The following PTPN9 variants were observed in gnomAD, a reference collection of about 807,000 sequenced individuals.
PTPN9 encodes protein tyrosine phosphatase non-receptor type 9.
PTPN9 carries 26 observed loss-of-function variants against 69.8 expected under a neutral mutation model. The ratio of observed to expected loss-of-function variants is 0.37; its 90% confidence interval spans 0.27 to 0.52. The LOEUF (loss-of-function observed/expected upper bound fraction) is 0.52. Among genes scored for constraint, PTPN9 ranks in the 20% least tolerant of loss-of-function variants. The probability of loss-of-function intolerance (pLI) is 0.91; values close to 1 mark genes in which losing one functional copy is unlikely to be tolerated. For synonymous variants in PTPN9, 274 were observed against 272.5 expected, an observed-to-expected ratio of 1.01 and a Z score of -0.05; for missense variants, 549 against 740.3, an observed-to-expected ratio of 0.74 and a Z score of 3.00.
At chr15:75,555,562 T>C (rs1359438230) in intron 1 of PTPN9, among the ~76,000 whole-genome samples, 1 of 152,040 alleles carries the variant, frequency 6.6e-6, no homozygotes, top group Admixed American at 6.6e-5. Flanking sequence ...TGGAGTGCAG[T>C]GGTGTGATCT....
intron 7 of PTPN9, among the ~76,000 whole-genome samples, chr15:75,495,157 C>T (rs937998255): frequency 2.6e-5 from 4 of 152,082 alleles, no homozygotes; most frequent in African/African-American, 9.7e-5. Context: ...GAGTTCTATA[C>T]TCCAGCAAAA....
At chr15:75,480,473 C>T (rs1489456404) in intron 8 of PTPN9, among the ~76,000 whole-genome samples, 1 of 151,586 alleles carries the variant, frequency 6.6e-6, no homozygotes, top group Non-Finnish European at 1.5e-5. Flanking sequence ...CCGTGAGGAG[C>T]GCAGAGGAGG....
At chr15:75,527,060 G>A (rs1297085519) in intron 2 of PTPN9, 58 bp downstream of exon 2, 2 of 1,595,272 alleles carry the variant, frequency 1.3e-6, no homozygotes, top group Non-Finnish European at 1.7e-6. Flanking sequence ...GCATGACAGG[G>A]ACAACAGCAA....
chr15:75,522,400 GT>G (rs374236060), intron 4 of PTPN9, among the ~76,000 whole-genome samples: 1 of 151,142 alleles, frequency 6.6e-6, no homozygotes, highest in South Asian at 2.1e-4. Flanking sequence ...TTTTTGTGGG[GT>G]TTTTTTTGAG....
rs932178076 is a variant in PTPN9, at chr15:75,538,686, C to CA, written c.64-11426dup. Among the ~76,000 whole-genome samples the CA allele has an allele frequency of 7.9e-4, 108 of 135,854 alleles. 3 individuals are homozygous for CA. The highest frequency in any genetic ancestry group is 4.2e-3 in the Admixed American group (56 of 13,478). The allele number at this position is 135,854 out of a possible 152,430, so 89.1% of individuals were successfully genotyped here. On this transcript the variant is annotated intron_variant, in intron 1 of 12. Transcript: ENST00000618819. The stretch of plus-strand genomic sequence containing the variant: ...TGGGTGACACAGCCAGACCCTGTCT[C>CA]AAAAAAAAAAAGGAATGTTAAAGAA...
intron 1 of PTPN9, among the ~76,000 whole-genome samples, chr15:75,538,137 C>G (rs1444413720): frequency 6.6e-6 from 1 of 152,036 alleles, no homozygotes; most frequent in African/African-American, 2.4e-5. Context: ...ACAGGCTTCT[C>G]CGAGGAATGT....
At chr15:75,562,274 A>C (rs1409814051) in intron 1 of PTPN9, among the ~76,000 whole-genome samples, 1 of 152,210 alleles carries the variant, frequency 6.6e-6, no homozygotes, top group Non-Finnish European at 1.5e-5. Flanking sequence ...TCATACGTAA[A>C]TGTACATTAA....
intron 4 of PTPN9, among the ~76,000 whole-genome samples, chr15:75,518,885 A>T (rs77559886): frequency 0.011 from 1,668 of 152,204 alleles, 35 homozygotes; most frequent in African/African-American, 0.038. Context: ...GAAGATACAG[A>T]AAGTATTCCT....
At chr15:75,548,065 C>T (rs1304559338) in intron 1 of PTPN9, among the ~76,000 whole-genome samples, 1 of 151,804 alleles carries the variant, frequency 6.6e-6, no homozygotes, top group Non-Finnish European at 1.5e-5. Context: ...TATTATTATC[C>T]CTATATTACA....
intron 7 of PTPN9, among the ~76,000 whole-genome samples, chr15:75,501,041 T>A (rs1326463272): frequency 6.6e-6 from 1 of 152,160 alleles, no homozygotes; most frequent in Non-Finnish European, 1.5e-5. Flanking sequence ...TGTCCCCTTT[T>A]TCTCCTCTTA....
At chr15:75,547,285 ACT>A (rs976411675) in intron 1 of PTPN9, among the ~76,000 whole-genome samples, 4 of 103,074 alleles carry the variant, frequency 3.9e-5, no homozygotes, top group African/African-American at 1.6e-4. Flanking sequence ...ACAGAGCAAG[ACT>A]CTGTCTCAAA....
chr15:75,494,124 T>G (rs1326187674), intron 7 of PTPN9, among the ~76,000 whole-genome samples: 1 of 118,396 alleles, frequency 8.4e-6, no homozygotes, highest in African/African-American at 3.5e-5. Flanking sequence ...AAAAAGTTTA[T>G]CAATCCCATA....
chr15:75,554,005 C>CTT (rs72050060), intron 1 of PTPN9, among the ~76,000 whole-genome samples: 20,954 of 124,672 alleles, frequency 0.17, 1,788 homozygotes, highest in Non-Finnish European at 0.22. Flanking sequence ...TACTTTCTTT[C>CTT]TTTTTTTTTT....
At chr15:75,568,197 A>G (rs2075134490) in intron 1 of PTPN9, among the ~76,000 whole-genome samples, 1 of 151,418 alleles carries the variant, frequency 6.6e-6, no homozygotes, top group Admixed American at 6.6e-5. Context: ...GTCCATGTTT[A>G]ACAACCTAAT....
chr15:75,555,364 G>C (rs2075072466), intron 1 of PTPN9, among the ~76,000 whole-genome samples: 1 of 152,092 alleles, frequency 6.6e-6, no homozygotes, highest in African/African-American at 2.4e-5. Flanking sequence ...CTGGATCACT[G>C]GTTGTCAGAC....
intron 1 of PTPN9, among the ~76,000 whole-genome samples, chr15:75,532,882 T>A (rs1300054196): frequency 6.6e-6 from 1 of 152,258 alleles, no homozygotes; most frequent in East Asian, 1.9e-4. Flanking sequence ...TACACATAGG[T>A]TTAACATGAC....
At chr15:75,540,671 G>A (rs1244027936) in intron 1 of PTPN9, among the ~76,000 whole-genome samples, 5 of 152,126 alleles carry the variant, frequency 3.3e-5, no homozygotes, top group Admixed American at 3.3e-4. Context: ...GATCCAGGCG[G>A]CTGCTAGGTG....
chr15:75,570,913 T>G lies in PTPN9; in HGVS notation c.63+7801A>C, dbSNP rs552360585. 3.3e-5 allele frequency among the ~76,000 whole-genome samples: 5 copies of G among 152,314 alleles called. No homozygotes were observed. The South Asian group carries it at 1.0e-3, about 32-fold the overall frequency. ...GGTCCCCAGGGTGGATATGAATATT[T>G]TTTCCCCTTGTAATTGGCTTAAGCT... On this transcript the variant is annotated intron_variant, in intron 1 of 12. Coordinates refer to ENST00000618819, the MANE Select transcript of PTPN9 (RefSeq NM_002833.4).
intron 1 of PTPN9, among the ~76,000 whole-genome samples, chr15:75,531,810 C>T (rs1256207987): frequency 6.6e-6 from 1 of 151,860 alleles, no homozygotes; most frequent in Non-Finnish European, 1.5e-5. Context: ...CCACCTGCCT[C>T]GGCCTCCCAA....
Sources: allele counts gnomAD v4.1 joint callset (sites outside exome capture counted in the v4.1 genomes callset), GRCh38; gene constraint gnomAD v4.1.1; transcripts MANE v1.5; gene names NCBI Gene and HGNC (gene_info 2026-07-23, HGNC 2026-07-21).